Variants in SEC14L6 observed in about 807,000 individuals in gnomAD.
SEC14L6 encodes SEC14-like protein 6.
In SEC14L6, 40 loss-of-function variants were observed where a neutral mutation model predicts 54.1. That is an observed-to-expected ratio of 0.74 (90% CI 0.57 to 0.96). The LOEUF is 0.96. Among genes scored for constraint, SEC14L6 ranks in the 40% least tolerant of loss-of-function variants. SEC14L6 has a pLI of 0.00. For missense variants in SEC14L6, 471 were observed against 498.3 expected, an observed-to-expected ratio of 0.95 and a Z score of 0.52; for synonymous variants, 171 against 198.4, an observed-to-expected ratio of 0.86 and a Z score of 1.16.
chr22:30,541,155 T>C (rs1162298554), intron 1 of SEC14L6, among the ~76,000 whole-genome samples: 1 of 152,184 alleles, frequency 6.6e-6, no homozygotes, highest in Middle Eastern at 3.2e-3. Context: ...CTTTGTTTTC[T>C]TTTTAAAAGA....
chr22:30,542,605 G>C (rs1169574595), intron 1 of SEC14L6: 33 of 1,514,996 alleles, frequency 2.2e-5, no homozygotes, highest in East Asian at 5.0e-5. Flanking sequence ...CGGCCGCCTC[G>C]GGCCGCTGCT....
At position 30,532,548 on chromosome 22, in the gene SEC14L6, C is replaced by A. The variant is rs1937015301; in HGVS notation, c.400G>T (p.Glu134Ter). Residue 134 changes from glutamate to a stop codon, truncating the protein, a stop_gained, in exon 5 of 12, where the codon GAG (glutamate) becomes TAG (stop). Transcript: ENST00000402034. LOFTEE classifies it high-confidence loss of function. Reference protein sequence around the residue: ...SFRSCELLLRECELQSQKLGK... With the variant: ...SFRSCELLLR The stretch of plus-strand genomic sequence containing the variant: ...ACCTTCTGACTCTGCAGCTCACACT[C>A]CCGCAGGAGCAGCTCGCAGCTCCGG... 1 of 1,550,170 alleles carries A rather than the reference C, an allele frequency of 6.5e-7. No individual in the cohort carries two copies.
rs748689192 is a variant in SEC14L6 at position 30,525,356 on chromosome 22, C to T, written c.1075G>A (p.Gly359Ser). The T allele has an allele frequency of 5.0e-5, 81 of 1,613,924 alleles. No individual in the cohort carries two copies. Among genetic ancestry groups the T allele is most frequent in the African/African-American group, 4.4e-4 (33 of 74,930 alleles). ...EDGILTCLQA[G>S]SYVLRFYNTY... ...CATCCCTGCCAACTCTTACAGCTGCCGGCCTGGAGGCAGGTGAGAATCCCA... is the reference window on the plus strand; with the variant it reads ...CATCCCTGCCAACTCTTACAGCTGCTGGCCTGGAGGCAGGTGAGAATCCCA... The change falls in exon 11 of 12, where the codon GGC (glycine) becomes AGC (serine). Residue 359 changes from glycine (G) to serine (S), a missense_variant. By Grantham distance (56) the Gly-to-Ser change is moderately conservative (BLOSUM62 0). Transcript: ENST00000402034.
intron 8 of SEC14L6, among the ~76,000 whole-genome samples, chr22:30,527,053 A>C (rs1239994431): frequency 1.3e-5 from 2 of 152,042 alleles, no homozygotes; most frequent in South Asian, 4.1e-4. Flanking sequence ...AGCTATGATC[A>C]TGCCACTGCG....
chr22:30,541,048 T>C (rs2085698978), intron 1 of SEC14L6, among the ~76,000 whole-genome samples: 1 of 151,526 alleles, frequency 6.6e-6, no homozygotes, highest in Non-Finnish European at 1.5e-5. Context: ...TTACTTGAAC[T>C]TTTTTTTAAT....
chr22:30,546,468 T>A (rs546435881), intron 1 of SEC14L6, among the ~76,000 whole-genome samples, 161 bp downstream of exon 1: 1 of 151,672 alleles, frequency 6.6e-6, no homozygotes, highest in Non-Finnish European at 1.5e-5. Flanking sequence ...GGTATTTCTA[T>A]TGGTTAGTGC....
At chr22:30,525,802 C>T (rs1936756389) in intron 9 of SEC14L6, 24 bp downstream of exon 9, 1 of 1,613,452 alleles carries the variant, frequency 6.2e-7, no homozygotes, top group Admixed American at 1.7e-5. Context: ...TCCCCTCCTT[C>T]CCCATCCTCT....
At position 30,543,294 on chromosome 22, in the gene SEC14L6, G is replaced by A. The variant is rs560487771; in HGVS notation, c.54+3335C>T. ...CCTTGCGGGGGGACTCTTTTCGTGG[G>A]ACTGCCAACTTGTCTGAGACTATCC... On this transcript the variant is annotated intron_variant, in intron 1 of 11. Transcript: ENST00000402034. The A allele has an allele frequency of 5.1e-5, 81 of 1,579,264 alleles. No individual in the cohort carries two copies. The East Asian group carries it at 1.7e-3, about 32-fold the overall frequency.
intron 2 of SEC14L6, among the ~76,000 whole-genome samples, chr22:30,534,849 A>T (rs766727224): frequency 6.6e-6 from 1 of 152,044 alleles, no homozygotes; most frequent in South Asian, 2.1e-4. Flanking sequence ...ACATAGTGAA[A>T]TCTCGTCTGT....
At chr22:30,528,582 C>G (rs1244947211) in intron 8 of SEC14L6, among the ~76,000 whole-genome samples, 3 of 151,622 alleles carry the variant, frequency 2.0e-5, no homozygotes, top group South Asian at 2.1e-4. Flanking sequence ...CACCACCATG[C>G]CTGGCTAATT....
In SEC14L6 at chr22:30,525,809, C is replaced by T; in HGVS notation, c.771+17G>A. 1.9e-6 allele frequency: 3 copies of T among 1,613,520 alleles called. No individual in the cohort carries two copies. The highest frequency in any genetic ancestry group is 2.5e-6 in the Non-Finnish European group (3 of 1,179,638). Reference sequence around the variant, plus strand: ...ACAGCTTCTCCCCTCCTTCCCCATCCTCTGGGCACCCTGTACCTTGGTCAG... The same window carrying T: ...ACAGCTTCTCCCCTCCTTCCCCATCTTCTGGGCACCCTGTACCTTGGTCAG... On this transcript the variant is annotated intron_variant, in intron 9 of 11. Transcript: ENST00000402034.
rs1337270242 is a variant in SEC14L6, at chr22:30,524,113, A to G, written c.*884T>C. ...CACGGAGCCTGCTGAAATTATTCAA[A>G]CTAGCAAATCTCAAGCCTGCTTACC... is the stretch of plus-strand genomic sequence containing the variant. On this transcript the variant is annotated 3_prime_UTR_variant, in exon 12 of 12. Coordinates refer to ENST00000402034, the MANE Select transcript of SEC14L6 (RefSeq NM_001193336.4). The G allele has an allele frequency of 6.6e-6, 1 of 152,148 alleles. No homozygotes were observed. The highest frequency in any genetic ancestry group is 1.5e-5 in the Non-Finnish European group (1 of 68,036). The allele number at this position is 152,148 out of a possible 1,614,324, so 9.4% of individuals were successfully genotyped here.
intron 1 of SEC14L6, chr22:30,542,768 T>A: frequency 6.3e-7 from 1 of 1,590,494 alleles, no homozygotes; most frequent in South Asian, 1.1e-5. Flanking sequence ...GTGGGGCCCA[T>A]CCAACGGTTC....
intron 1 of SEC14L6, among the ~76,000 whole-genome samples, chr22:30,541,061 A>G (rs2085699293): frequency 6.6e-6 from 1 of 152,046 alleles, no homozygotes; most frequent in Non-Finnish European, 1.5e-5. Flanking sequence ...TTTTTAATTA[A>G]AACTAACAGC....
At chr22:30,529,054 G>C in intron 8 of SEC14L6, 33 bp downstream of exon 8, 1 of 1,511,452 alleles carries the variant, frequency 6.6e-7, no homozygotes, top group Non-Finnish European at 9.0e-7. Flanking sequence ...TCAGGATCCA[G>C]GCTGGAAAAG....
intron 4 of SEC14L6, 23 bp from the exon 5 acceptor site, chr22:30,532,736 G>A (rs763009548): frequency 3.8e-6 from 6 of 1,591,320 alleles, no homozygotes; most frequent in Non-Finnish European, 5.1e-6. Flanking sequence ...ACAGGAGACG[G>A]GGGTTCAGTG....
Position 30,525,739 on chromosome 22 carries a change from C to G in SEC14L6, c.783G>C (p.Gly261=), listed in dbSNP as rs1936753003. 1.2e-6 allele frequency: 2 copies of G among 1,613,882 alleles called. No homozygotes were observed. Among genetic ancestry groups the G allele is most frequent in the African/African-American group, 1.3e-5 (1 of 74,908 alleles). Reference sequence around the variant, plus strand: ...GGTAGTAGCTCTTGGGCACCTCACCCCCGTAGTTGATCTGTGGGTGAAGGG... The same window carrying G: ...GGTAGTAGCTCTTGGGCACCTCACCGCCGTAGTTGATCTGTGGGTGAAGGG... ...NPKCLTKINY[G]GEVPKSYYLC... The change falls in exon 10 of 12, where the codon GGG becomes GGC. Residue 261 remains glycine, a synonymous_variant. Transcript: ENST00000402034.
rs1439903533 is a variant in SEC14L6 at position 30,534,406 on chromosome 22, TA to T, written c.131-368del. Among the ~76,000 whole-genome samples, 366 of 130,078 alleles carry T rather than the reference TA, an allele frequency of 2.8e-3. 1 individual carries two copies. The highest frequency in any genetic ancestry group is 4.4e-3 in the Non-Finnish European group (270 of 61,914). The allele number at this position is 130,078 out of a possible 152,430, so 85.3% of individuals were successfully genotyped here. On this transcript the variant is annotated intron_variant, in intron 2 of 11. Coordinates refer to ENST00000402034, the MANE Select transcript of SEC14L6 (RefSeq NM_001193336.4). ...CCCTTAATACTCTTTAATTTTTACT[TA>T]AAAAAAATTTTTTTTTTTTTTTGAG...
intron 1 of SEC14L6, chr22:30,543,996 G>A: frequency 6.2e-7 from 1 of 1,600,296 alleles, no homozygotes; most frequent in Non-Finnish European, 8.6e-7. Context: ...TGGACATGGT[G>A]CACCTCAACC....
Sources: allele counts gnomAD v4.1 joint callset (sites outside exome capture counted in the v4.1 genomes callset), GRCh38; gene constraint gnomAD v4.1.1; transcripts MANE v1.5; gene names NCBI Gene and HGNC (gene_info 2026-07-23, HGNC 2026-07-21).